LEPR: variants seen among roughly 807,000 people sequenced by gnomAD.
LEPR encodes leptin receptor.
Under a neutral mutation model 114.7 loss-of-function variants are expected in LEPR, and 56 were observed. That is an observed-to-expected ratio of 0.49 (90% CI 0.39 to 0.61). LEPR has a LOEUF of 0.61. Among genes scored for constraint, LEPR ranks in the 20% least tolerant of loss-of-function variants. The pLI, the probability that LEPR is intolerant of heterozygous loss-of-function variation, is 0.00. For missense variants in LEPR, 1,202 were observed against 1,352.9 expected, an observed-to-expected ratio of 0.89 and a Z score of 1.75; for synonymous variants, 443 against 461.4, an observed-to-expected ratio of 0.96 and a Z score of 0.51.
intron 17 of LEPR, 60 bp from the exon 18 acceptor site, chr1:65,621,293 C>G: frequency 2.8e-6 from 4 of 1,442,062 alleles, no homozygotes; most frequent in Non-Finnish European, 3.9e-6. Flanking sequence ...ATTTTTGATA[C>G]AGAAAGAAAT....
At chr1:65,432,887 C>A in intron 2 of LEPR, 1 of 869,852 alleles carries the variant, frequency 1.1e-6, no homozygotes, top group Non-Finnish European at 1.4e-6. Context: ...ATTCAAAAAT[C>A]ATAAAACCGT....
intron 2 of LEPR, among the ~76,000 whole-genome samples, chr1:65,446,587 T>C (rs1265865121): frequency 6.6e-6 from 1 of 152,210 alleles, no homozygotes. Flanking sequence ...GTAAAATGTC[T>C]ATAGAAATTA....
intron 2 of LEPR, among the ~76,000 whole-genome samples, chr1:65,429,254 G>C (rs1217403724): frequency 6.6e-6 from 1 of 152,138 alleles, no homozygotes; most frequent in Admixed American, 6.5e-5. Flanking sequence ...CATGGGGAAG[G>C]ACATTGCAAG....
intron 2 of LEPR, among the ~76,000 whole-genome samples, chr1:65,440,071 G>A (rs1260136123): frequency 6.6e-6 from 1 of 150,684 alleles, no homozygotes; most frequent in African/African-American, 2.4e-5. Context: ...AATAAATCAG[G>A]ATAAAGGCAT....
intron 5 of LEPR, among the ~76,000 whole-genome samples, chr1:65,581,437 A>G (rs1654974201): frequency 6.8e-6 from 1 of 146,016 alleles, no homozygotes; most frequent in Non-Finnish European, 1.5e-5. Flanking sequence ...ACAATTTTTA[A>G]TGGTTGAAAG....
chr1:65,516,924 G>C (rs908351632), intron 2 of LEPR, among the ~76,000 whole-genome samples: 4 of 152,118 alleles, frequency 2.6e-5, no homozygotes, highest in African/African-American at 9.7e-5. Context: ...CAAAGGCAAG[G>C]ACAAACCAGA....
intron 2 of LEPR, among the ~76,000 whole-genome samples, chr1:65,501,818 A>T (rs1648468820): frequency 6.6e-6 from 1 of 152,122 alleles, no homozygotes; most frequent in Admixed American, 6.6e-5. Flanking sequence ...AGGATATTCG[A>T]GATACAGTGT....
intron 2 of LEPR, among the ~76,000 whole-genome samples, chr1:65,461,928 G>A (rs1437952585): frequency 6.6e-6 from 1 of 152,166 alleles, no homozygotes; most frequent in East Asian, 1.9e-4. Flanking sequence ...TCTCCCAGTT[G>A]AAGGGCCTTC....
At chr1:65,472,015 A>G (rs1647089919) in intron 2 of LEPR, among the ~76,000 whole-genome samples, 1 of 152,218 alleles carries the variant, frequency 6.6e-6, no homozygotes, top group Non-Finnish European at 1.5e-5. Flanking sequence ...GCTTAAAGTC[A>G]GTTTGTAATT....
chr1:65,436,715 T>C (rs921423858), intron 2 of LEPR, among the ~76,000 whole-genome samples: 1 of 136,932 alleles, frequency 7.3e-6, no homozygotes, highest in Non-Finnish European at 1.7e-5. Context: ...GCACAATCTC[T>C]CTTCACTTTT....
intron 2 of LEPR, among the ~76,000 whole-genome samples, chr1:65,530,204 A>G (rs1183878247): frequency 1.3e-5 from 2 of 152,178 alleles, no homozygotes; most frequent in Non-Finnish European, 2.9e-5. Context: ...CCTTGGAGTC[A>G]TCTTCGATTC....
chr1:65,609,956 G>C lies in LEPR; in HGVS notation c.1762G>C (p.Val588Leu). ...GKEVQWKMYE[V>L]YDAKSKSVSL... is the part of the protein sequence containing the mutation. ...TTGACTTATTTTACAGATGTATGAGGTTTATGATGCAAAATCAAAATCTGT... is the reference window on the plus strand; with the variant it reads ...TTGACTTATTTTACAGATGTATGAGCTTTATGATGCAAAATCAAAATCTGT... The change falls in exon 13 of 20, where the codon GTT becomes CTT. Residue 588 changes from valine (V) to leucine (L), a missense_variant. By Grantham distance (32) the Val-to-Leu change is conservative. Transcript: ENST00000349533. 6.2e-7 allele frequency: 1 copy of C among 1,614,144 alleles called. No individual in the cohort carries two copies. The highest frequency in any genetic ancestry group is 8.5e-7 in the Non-Finnish European group (1 of 1,180,000).
At chr1:65,551,695 C>T (rs1271181777) in intron 2 of LEPR, among the ~76,000 whole-genome samples, 1 of 152,072 alleles carries the variant, frequency 6.6e-6, no homozygotes, top group South Asian at 2.1e-4. Context: ...TTTTTCGTGT[C>T]TCTATCTCCT....
chr1:65,602,549 T>C (rs992921481), intron 10 of LEPR, among the ~76,000 whole-genome samples: 1 of 152,064 alleles, frequency 6.6e-6, no homozygotes, highest in African/African-American at 2.4e-5. Flanking sequence ...CTTTCTAAAA[T>C]CATTTTATCT....
intron 19 of LEPR, 150 bp downstream of exon 19, chr1:65,623,131 A>G (rs1657984627): frequency 1.3e-6 from 1 of 785,570 alleles, no homozygotes; most frequent in African/African-American, 1.8e-5. Flanking sequence ...ACTTTCAAGA[A>G]TAGCAGGATG....
At chr1:65,501,658 A>G (rs541130579) in intron 2 of LEPR, among the ~76,000 whole-genome samples, 1 of 151,970 alleles carries the variant, frequency 6.6e-6, no homozygotes, top group Non-Finnish European at 1.5e-5. Flanking sequence ...TAGCGTTCCC[A>G]TTTCTTGCCT....
At chr1:65,570,860 T>G in intron 4 of LEPR, 58 bp downstream of exon 4, 1 of 1,375,516 alleles carries the variant, frequency 7.3e-7, no homozygotes, top group Non-Finnish European at 9.6e-7. Context: ...CTTTGATACC[T>G]GTATGAAATA....
intron 2 of LEPR, among the ~76,000 whole-genome samples, chr1:65,504,992 G>A (rs555621767): frequency 1.1e-4 from 17 of 152,284 alleles, no homozygotes; most frequent in African/African-American, 4.1e-4. Context: ...GAAGGGATCA[G>A]TATTTTTTAA....
intron 2 of LEPR, among the ~76,000 whole-genome samples, chr1:65,513,781 C>G (rs1649150744): frequency 6.6e-6 from 1 of 152,180 alleles, no homozygotes; most frequent in South Asian, 2.1e-4. Context: ...TAGCTTTATT[C>G]TGGCCAACTG....
Sources: gnomAD v4.1 joint callset for allele counts (sites outside exome capture counted in the v4.1 genomes callset) on GRCh38, gnomAD v4.1.1 for gene constraint, MANE v1.5 for transcripts, NCBI Gene and HGNC (gene_info 2026-07-23, HGNC 2026-07-21) for gene names.